Variants in SH3TC1 observed in about 807,000 individuals in gnomAD.
SH3TC1 encodes the protein SH3 domain and tetratricopeptide repeats 1, also known as SH3 domain and tetratricopeptide repeat-containing protein 1.
Under a neutral mutation model 117.3 loss-of-function variants are expected in SH3TC1, and 135 were observed. The ratio of observed to expected loss-of-function variants is 1.15; its 90% CI spans 1.00 to 1.33. The LOEUF is 1.33. SH3TC1 is among the 40% of genes most tolerant of loss of function. The pLI, the probability that SH3TC1 is intolerant of heterozygous loss-of-function variation, is 0.00. For synonymous variants in SH3TC1, 898 were observed against 816.9 expected (o/e 1.10, Z -1.69); for missense variants, 2,092 against 1,794.3 (o/e 1.17, Z -3.00).
At chr4:8,220,182 A>G (rs1283398660) in intron 9 of SH3TC1, among the ~76,000 whole-genome samples, 2 of 152,106 alleles carry the variant, frequency 1.3e-5, no homozygotes. Context: ...GAGGGACACG[A>G]TTTAATCCAG....
intron 9 of SH3TC1, among the ~76,000 whole-genome samples, chr4:8,220,481 G>T (rs1719816646): frequency 1.3e-5 from 2 of 152,194 alleles, no homozygotes; most frequent in Admixed American, 6.5e-5. Context: ...TCCAAGAGAA[G>T]AATTCCCTGG....
intron 5 of SH3TC1, among the ~76,000 whole-genome samples, chr4:8,214,971 C>T (rs112045440): frequency 6.6e-6 from 1 of 152,206 alleles, no homozygotes; most frequent in African/African-American, 2.4e-5. Flanking sequence ...CAGGCATGAG[C>T]CATGAATCTG....
Position 8,223,038 on chromosome 4 carries a change from C to T in SH3TC1, c.1243+68C>T, listed in dbSNP as rs577067421. The stretch of plus-strand genomic sequence containing the variant: ...TTTCCCTTCTGCAGCCCCTGCTGCC[C>T]TCGTCCATCCACAGATAGTGCCAGC... On this transcript the variant is annotated intron_variant, in intron 10 of 17. Transcript: ENST00000245105. 100 of 1,548,198 alleles carry T rather than the reference C, an allele frequency of 6.5e-5. No individual in the cohort carries two copies. The Admixed American group carries it at 1.7e-3, about 27-fold the overall frequency.
chr4:8,227,296 CG>C lies in SH3TC1; in HGVS notation c.1603del (p.Asp535ThrfsTer5). 6.2e-7 allele frequency: 1 copy of C among 1,608,992 alleles called. No homozygotes were observed. Among genetic ancestry groups the C allele is most frequent in the South Asian group, 1.1e-5 (1 of 90,674 alleles). ...TGAGCAGCGTGTTCCGCAGCTTCAG[CG>C]ACGAGGAGGAGCTGACTGGGCGCCT... ...WLSSVFRSFS[D>X]EEELTGRLAQ... is the part of the protein sequence containing the mutation. On this transcript the variant is annotated frameshift_variant, in exon 12 of 18. Transcript: ENST00000245105. LOFTEE classifies it high-confidence loss of function.
rs533512430 is a variant in SH3TC1 at position 8,225,436 on chromosome 4, A to G, written c.1285+220A>G. Among the ~76,000 whole-genome samples, 1 of 152,208 alleles carries G rather than the reference A, an allele frequency of 6.6e-6. No individual in the cohort carries two copies. Among genetic ancestry groups the G allele is most frequent in the Admixed American group, 6.5e-5 (1 of 15,300 alleles). ...GGGTCCCGCACTTCTTCCAATGAAC[A>G]TGCTGGCCCCCGCCTGGTCCCCGCC... On this transcript the variant is annotated intron_variant, in intron 11 of 17. Coordinates refer to ENST00000245105, the MANE Select transcript of SH3TC1 (RefSeq NM_018986.5). This position sits in a 1 kb window ranked among gnomAD's most constrained non-coding sequence, Gnocchi z 5.5.
chr4:8,236,250 A>T (rs1394221386), intron 15 of SH3TC1, 28 bp from the exon 16 acceptor site: 1 of 1,527,580 alleles, frequency 6.5e-7, no homozygotes, highest in Non-Finnish European at 8.8e-7. Flanking sequence ...TGCTGCGGGA[A>T]GCCTGACCCC....
At position 8,228,339 on chromosome 4, in the gene SH3TC1, C is replaced by T. The variant is rs1201070287; in HGVS notation, c.2645C>T (p.Ala882Val). Residue 882 changes from alanine (A) to valine (V), a missense_variant, in exon 12 of 18, where the codon GCA (alanine) becomes GTA (valine). Transcript: ENST00000245105. ...ALKRTGRTRQAAESYYRALRV... is the reference protein window; with the variant it reads ...ALKRTGRTRQVAESYYRALRV... ...AAGAGGACGGGCCGGACGAGGCAGGCAGCTGAGAGCTACTACCGCGCCCTG... is the reference window on the plus strand; with the variant it reads ...AAGAGGACGGGCCGGACGAGGCAGGTAGCTGAGAGCTACTACCGCGCCCTG... 5 of 1,611,816 alleles carry T rather than the reference C, an allele frequency of 3.1e-6. No homozygotes were observed. Among genetic ancestry groups the T allele is most frequent in the East Asian group, 2.2e-5 (1 of 44,896 alleles).
chr4:8,205,339 G>A lies in SH3TC1; in HGVS notation c.145G>A (p.Glu49Lys), dbSNP rs747494059. Reference sequence around the variant, plus strand: ...TGTGAGCTGGGAGAAAGCGGGGCCCGAGGAGGCCAAGGCGCCAGTGAGAGG... The same window carrying A: ...TGTGAGCTGGGAGAAAGCGGGGCCCAAGGAGGCCAAGGCGCCAGTGAGAGG... ...PSVSWEKAGP[E>K]EAKAPVRGDE... The change falls in exon 2 of 18, where the codon GAG (glutamate) becomes AAG (lysine). Residue 49 changes from glutamate to lysine, a missense_variant. By Grantham distance (56) the Glu-to-Lys change is moderately conservative. Transcript: ENST00000245105. This position sits in a 1 kb window ranked among gnomAD's most constrained non-coding sequence, Gnocchi z 5.4. 2.5e-5 allele frequency: 39 copies of A among 1,549,386 alleles called. No homozygotes were observed. The highest frequency in any genetic ancestry group is 3.1e-5 in the Non-Finnish European group (36 of 1,146,832).
chr4:8,225,076 C>G lies in SH3TC1; in HGVS notation c.1244-99C>G, dbSNP rs1460148774. 7.0e-7 allele frequency: 1 copy of G among 1,419,930 alleles called. No homozygotes were observed. 88.0% of individuals were successfully genotyped at this position (1,419,930 alleles called of 1,614,324 possible). On this transcript the variant is annotated intron_variant, in intron 10 of 17. Coordinates refer to ENST00000245105, the MANE Select transcript of SH3TC1 (RefSeq NM_018986.5). The surrounding 1 kb of genome is among the most constrained non-coding windows in gnomAD (Gnocchi z 5.5). ...CTCAGCCCTCAATACCTGCACCCAG[C>G]AATGCTCTCACCCTGCAACATCGAC...
intron 4 of SH3TC1, among the ~76,000 whole-genome samples, chr4:8,214,132 C>T (rs766507159): frequency 3.9e-5 from 6 of 151,938 alleles, no homozygotes; most frequent in Admixed American, 1.3e-4. Context: ...AGAGCACAGC[C>T]GAACAGGGAC....
chr4:8,190,493 T>C lies in SH3TC1; in HGVS notation c.-57+8283T>C, dbSNP rs982266255. On this transcript the variant is annotated intron_variant, in intron 1 of 16. Coordinates refer to the SH3TC1 transcript ENST00000508641. The surrounding 1 kb of genome is among the most constrained non-coding windows in gnomAD (Gnocchi z 4.7). ...GACTCATCTGTAAGCTGGGATCTGA[T>C]GTCCCCGGGCTCTTGGGAGAATGGC... Among the ~76,000 whole-genome samples, 3 of 152,180 alleles carry C rather than the reference T, an allele frequency of 2.0e-5. No homozygotes were observed. The highest frequency in any genetic ancestry group is 2.9e-5 in the Non-Finnish European group (2 of 68,026).
chr4:8,222,896 G>T lies in SH3TC1; in HGVS notation c.1169G>T (p.Cys390Phe), dbSNP rs753509836. ...EEEKSFFSEG[C>F]FSEEDARQLL... The stretch of plus-strand genomic sequence containing the variant: ...GAAAAGTCATTCTTCAGCGAGGGCT[G>T]CTTTTCTGAGGAGGATGCCAGGCAG... Residue 390 changes from cysteine to phenylalanine, a missense_variant, in exon 10 of 18, where the codon TGC (cysteine) becomes TTC (phenylalanine). Cys to Phe is a radical substitution (Grantham distance 205). Coordinates refer to ENST00000245105, the MANE Select transcript of SH3TC1 (RefSeq NM_018986.5). The T allele has an allele frequency of 6.8e-5, 110 of 1,613,570 alleles. No individual in the cohort carries two copies. Among genetic ancestry groups the T allele is most frequent in the Non-Finnish European group, 9.1e-5 (107 of 1,179,916 alleles).
At chr4:8,200,040 G>T (rs1352719041) in intron 1 of SH3TC1, among the ~76,000 whole-genome samples, 1 of 152,260 alleles carries the variant, frequency 6.6e-6, no homozygotes, top group Non-Finnish European at 1.5e-5. Flanking sequence ...CCCCCTCTGG[G>T]CCTGTGCGTG....
At position 8,237,535 on chromosome 4, in the gene SH3TC1, C is replaced by G. The variant is rs754051102; in HGVS notation, c.3618C>G (p.Gly1206=). ...TGGCCGCCCTGCAACACCGACTGGG[C>G]CATGGCGAGCTGGCAGAGCACTTCT... The part of the protein sequence containing the change: ...HRLAALQHRL[G]HGELAEHFYL... Residue 1206 remains glycine (G), a synonymous_variant, in exon 17 of 18, where the codon GGC becomes GGG. Coordinates refer to ENST00000245105, the MANE Select transcript of SH3TC1 (RefSeq NM_018986.5). The G allele has an allele frequency of 6.2e-7, 1 of 1,609,578 alleles. No homozygotes were observed. Among genetic ancestry groups the G allele is most frequent in the South Asian group, 1.1e-5 (1 of 90,450 alleles).
At position 8,240,896 on chromosome 4, in the gene SH3TC1, C is replaced by A; in HGVS notation, c.3952C>A (p.Leu1318Met). 2 of 1,612,998 alleles carry A rather than the reference C, an allele frequency of 1.2e-6. No individual in the cohort carries two copies. Among genetic ancestry groups the A allele is most frequent in the Non-Finnish European group, 1.7e-6 (2 of 1,180,006 alleles). Residue 1318 changes from leucine (L) to methionine (M), a missense_variant, in exon 18 of 18, where the codon CTG becomes ATG. Leu to Met is a conservative substitution (Grantham distance 15). Transcript: ENST00000245105. ...ATELNVRRVN[L>M]PPLPLCGWAP... The stretch of plus-strand genomic sequence containing the variant: ...AGAGCTCAACGTCCGCAGGGTCAAC[C>A]TGCCTCCTCTGCCACTCTGCGGGTG...
upstream of SH3TC1, among the ~76,000 whole-genome samples, chr4:8,198,642 G>A (rs1453124646): frequency 6.6e-6 from 1 of 152,248 alleles, no homozygotes; most frequent in African/African-American, 2.4e-5. Context: ...CTCAGGCCTG[G>A]AGACGGTGGG....
Position 8,240,738 on chromosome 4 carries a change from C to G in SH3TC1, c.3794C>G (p.Ala1265Gly). The G allele has an allele frequency of 6.2e-7, 1 of 1,613,804 alleles. No individual in the cohort carries two copies. Among genetic ancestry groups the G allele is most frequent in the Non-Finnish European group, 8.5e-7 (1 of 1,179,942 alleles). ...DAAGYYQLAL[A>G]AAVDLGNKKA... ...GCCGGGTACTACCAGCTGGCGCTGG[C>G]AGCCGCCGTGGACCTGGGCAACAAG... Residue 1265 changes from alanine to glycine, a missense_variant, in exon 18 of 18, where the codon GCA becomes GGA. Transcript: ENST00000245105.
At chr4:8,203,175 A>T (rs954762588) in intron 1 of SH3TC1, among the ~76,000 whole-genome samples, 1 of 152,208 alleles carries the variant, frequency 6.6e-6, no homozygotes, top group African/African-American at 2.4e-5. Context: ...CCGAGCCGAG[A>T]GCAGTGCGGG....
At chr4:8,235,358 C>T (rs905719813) in intron 14 of SH3TC1, 75 bp from the exon 15 acceptor site, 45 of 1,405,346 alleles carry the variant, frequency 3.2e-5, no homozygotes, top group Middle Eastern at 2.2e-4. Context: ...GGAGGCTGGG[C>T]GGGGGAGTCC....
Sources: gnomAD v4.1 joint callset for allele counts (sites outside exome capture counted in the v4.1 genomes callset) on GRCh38, gnomAD v4.1.1 for gene constraint, Gnocchi (gnomAD v3.1) non-coding constraint, MANE v1.5 for transcripts, NCBI Gene and HGNC (gene_info 2026-07-23, HGNC 2026-07-21) for gene names.